RGS5: variants seen among roughly 807,000 people sequenced by gnomAD.
The protein encoded by RGS5 is regulator of G protein signaling 5.
In RGS5, 20 loss-of-function variants were observed where a neutral mutation model predicts 18.9. The ratio of observed to expected loss-of-function variants is 1.06; its 90% CI spans 0.74 to 1.54. The LOEUF (loss-of-function observed/expected upper bound fraction) is 1.54. Ranked by LOEUF, RGS5 falls within the 40% of genes most tolerant of loss-of-function variation. The pLI, the probability that RGS5 is intolerant of heterozygous loss-of-function variation, is 0.00. For synonymous variants in RGS5, 57 were observed against 76.2 expected, an observed-to-expected ratio of 0.75 and a Z score of 1.31; for missense variants, 201 against 211.8, an observed-to-expected ratio of 0.95 and a Z score of 0.32.
At chr1:163,210,410 T>A (rs1283014455) in intron 1 of RGS5, among the ~76,000 whole-genome samples, 1 of 152,252 alleles carries the variant, frequency 6.6e-6, no homozygotes, top group East Asian at 1.9e-4. Flanking sequence ...TCAATAACTG[T>A]TCTTGTTCTA....
At chr1:163,169,163 T>A (rs1205851579) in intron 1 of RGS5, among the ~76,000 whole-genome samples, 2 of 152,146 alleles carry the variant, frequency 1.3e-5, no homozygotes, top group Non-Finnish European at 2.9e-5. Flanking sequence ...GTTTCCAGCT[T>A]CATCCAGGTC....
At chr1:163,256,658 T>A (rs2101702441) in intron 2 of RGS5, among the ~76,000 whole-genome samples, 1 of 152,226 alleles carries the variant, frequency 6.6e-6, no homozygotes, top group South Asian at 2.1e-4. Flanking sequence ...GATGCTTTTC[T>A]CCTAACCTGT....
At chr1:163,235,261 G>C (rs1313837234) in intron 2 of RGS5, among the ~76,000 whole-genome samples, 1 of 152,168 alleles carries the variant, frequency 6.6e-6, no homozygotes, top group African/African-American at 2.4e-5. Flanking sequence ...TTTGGATGTA[G>C]TTTCTCAAGC....
rs534448527 is a variant in RGS5, at chr1:163,147,918, C to CT, written c.385-416dup. The stretch of plus-strand genomic sequence containing the variant: ...GGTGTCCTGGTGCTTTTTTCTTTTT[C>CT]TTTTTTTTTTTTTTTTTTTTTTGTT... On this transcript the variant is annotated intron_variant, in intron 4 of 4. Coordinates refer to ENST00000313961, the MANE Select transcript of RGS5 (RefSeq NM_003617.4). 9.6e-3 allele frequency among the ~76,000 whole-genome samples: 749 copies of CT among 78,154 alleles called. 2 individuals are homozygous for CT. The highest frequency in any genetic ancestry group is 0.03 in the Middle Eastern group (2 of 66). The allele number at this position is 78,154 out of a possible 152,430, so 51.3% of individuals were successfully genotyped here.
At chr1:163,272,826 C>T (rs751565571) in intron 2 of RGS5, among the ~76,000 whole-genome samples, 8 of 152,018 alleles carry the variant, frequency 5.3e-5, no homozygotes, top group Non-Finnish European at 1.0e-4. Context: ...ATTTTTATTA[C>T]TACAGCTTTA....
intron 1 of RGS5, among the ~76,000 whole-genome samples, chr1:163,311,903 A>G (rs1649873887): frequency 6.6e-6 from 1 of 152,180 alleles, no homozygotes; most frequent in African/African-American, 2.4e-5. Flanking sequence ...CATACCTTTA[A>G]TTTGTCAAAA....
At chr1:163,163,319 G>A (rs572544175) in intron 2 of RGS5, among the ~76,000 whole-genome samples, 2 of 152,024 alleles carry the variant, frequency 1.3e-5, no homozygotes, top group South Asian at 4.1e-4. Flanking sequence ...CCAAATTGAG[G>A]GTAACAAACC....
intron 4 of RGS5, among the ~76,000 whole-genome samples, chr1:163,150,185 A>C (rs1657317328): frequency 6.6e-6 from 1 of 151,278 alleles, no homozygotes; most frequent in African/African-American, 2.4e-5. Context: ...TAGATCATTT[A>C]GAATGAAGGG....
At chr1:163,193,886 G>A (rs1659457371) in intron 1 of RGS5, among the ~76,000 whole-genome samples, 1 of 152,112 alleles carries the variant, frequency 6.6e-6, no homozygotes, top group Admixed American at 6.6e-5. Flanking sequence ...ATTCAGAAGG[G>A]CAGGAGTGGG....
rs1360952207 is a variant in RGS5, at chr1:163,143,953, G to A, written c.*3389C>T. ...CCTATTGAAATGGCTTGTGTACAGA[G>A]CACACATCAACCAAATAAAATCCAT... On this transcript the variant is annotated 3_prime_UTR_variant, in exon 5 of 5. Coordinates refer to ENST00000313961, the MANE Select transcript of RGS5 (RefSeq NM_003617.4). The A allele has an allele frequency of 6.6e-6, 1 of 151,794 alleles. No individual in the cohort carries two copies. The allele number at this position is 151,794 out of a possible 1,614,324, so 9.4% of individuals were successfully genotyped here. A position where few individuals can be genotyped will look rare whatever the true frequency, so the allele number is the denominator to read the frequency against.
At chr1:163,301,558 C>T (rs6696370) in intron 2 of RGS5, among the ~76,000 whole-genome samples, 7,568 of 152,164 alleles carry the variant, frequency 0.05, 225 homozygotes, top group South Asian at 0.094. Context: ...GTCTCAAATT[C>T]CTGAGCTCAA....
chr1:163,188,423 C>T (rs1659186635), intron 1 of RGS5, among the ~76,000 whole-genome samples: 1 of 152,064 alleles, frequency 6.6e-6, no homozygotes, highest in African/African-American at 2.4e-5. Flanking sequence ...CTCTGGTCAC[C>T]CAAAAGATAG....
Position 163,318,577 on chromosome 1 carries a change from T to C in RGS5, c.-378+3045A>G, listed in dbSNP as rs544383923. ...AGTAGTTTTAGAATCCATGAGCAAA[T>C]AGGTTAAAACAATGAGTGGACAGTG... On this transcript the variant is annotated intron_variant, in intron 1 of 5. Coordinates refer to the RGS5 transcript ENST00000618415. 9.9e-5 allele frequency among the ~76,000 whole-genome samples: 15 copies of C among 151,770 alleles called. No homozygotes were observed. The South Asian group carries it at 2.3e-3, about 23-fold the overall frequency.
At chr1:163,318,403 G>A (rs1001181390) in intron 1 of RGS5, among the ~76,000 whole-genome samples, 11 of 152,172 alleles carry the variant, frequency 7.2e-5, no homozygotes, top group African/African-American at 4.8e-5. Flanking sequence ...TGGATTTGGC[G>A]GTGTAGGTGG....
chr1:163,245,295 T>A (rs1647898583), intron 2 of RGS5, among the ~76,000 whole-genome samples: 1 of 152,220 alleles, frequency 6.6e-6, no homozygotes, highest in Non-Finnish European at 1.5e-5. Flanking sequence ...CACCTACCCA[T>A]GGACATCTGA....
chr1:163,264,559 T>C (rs187272038), intron 2 of RGS5, among the ~76,000 whole-genome samples: 50 of 152,330 alleles, frequency 3.3e-4, no homozygotes, highest in African/African-American at 1.1e-3. Context: ...GCCAAGATCA[T>C]TCATGATTGT....
chr1:163,314,710 T>G (rs1649969701), intron 1 of RGS5, among the ~76,000 whole-genome samples: 1 of 152,148 alleles, frequency 6.6e-6, no homozygotes, highest in South Asian at 2.1e-4. Context: ...AAGGTGATAT[T>G]AGGAGGTGGG....
At chr1:163,225,464 G>T (rs1647312985) in intron 2 of RGS5, among the ~76,000 whole-genome samples, 1 of 152,044 alleles carries the variant, frequency 6.6e-6, no homozygotes, top group Non-Finnish European at 1.5e-5. Context: ...TGAAAATATT[G>T]ACCTTCTGGC....
rs1657169142 is a variant in RGS5, at chr1:163,147,305, A to G, written c.*37T>C. 6.4e-7 allele frequency: 1 copy of G among 1,550,792 alleles called. No homozygotes were observed. Among genetic ancestry groups the G allele is most frequent in the African/African-American group, 1.4e-5 (1 of 72,412 alleles). ...GAAATGCAGGGTTATTATGGAGGAAATAACTCACAGGATGATTTCATAGCC... is the reference window on the plus strand; with the variant it reads ...GAAATGCAGGGTTATTATGGAGGAAGTAACTCACAGGATGATTTCATAGCC... On this transcript the variant is annotated 3_prime_UTR_variant, in exon 5 of 5. Transcript: ENST00000313961.
Sources: gnomAD v4.1 joint callset for allele counts (sites outside exome capture counted in the v4.1 genomes callset) on GRCh38, gnomAD v4.1.1 for gene constraint, MANE v1.5 for transcripts, NCBI Gene and HGNC (gene_info 2026-07-23, HGNC 2026-07-21) for gene names.